The following GALNTL6 variants were observed in gnomAD, a reference collection of about 807,000 sequenced individuals.
GALNTL6 encodes polypeptide N-acetylgalactosaminyltransferase-like 6.
In GALNTL6, 46 loss-of-function variants were observed where a neutral mutation model predicts 73.7. That is an observed-to-expected ratio of 0.62 (90% CI 0.49 to 0.80). The LOEUF (loss-of-function observed/expected upper bound fraction) is 0.80. GALNTL6 is among the 30% of genes least tolerant of loss of function. GALNTL6 has a pLI of 0.00. For missense variants in GALNTL6, 604 were observed against 755.0 expected (o/e 0.80, Z 2.34); for synonymous variants, 259 against 263.7 (o/e 0.98, Z 0.17).
Position 172,070,660 on chromosome 4 carries a change from C to A in GALNTL6, c.139-158996C>A, listed in dbSNP as rs751407005. Among the ~76,000 whole-genome samples the A allele has an allele frequency of 1.0e-4, 11 of 109,148 alleles. 4 individuals are homozygous for A. Among genetic ancestry groups the A allele is most frequent in the Non-Finnish European group, 2.2e-4 (11 of 49,282 alleles). The allele number at this position is 109,148 out of a possible 152,430, so 71.6% of individuals were successfully genotyped here. Reference sequence around the variant, plus strand: ...ACTTCCCAGTTCCCAGAACTATGAGCTAAATACACTTTTGAAAAAAATAAA... The same window carrying A: ...ACTTCCCAGTTCCCAGAACTATGAGATAAATACACTTTTGAAAAAAATAAA... On this transcript the variant is annotated intron_variant, in intron 2 of 12. Coordinates refer to ENST00000506823, the MANE Select transcript of GALNTL6 (RefSeq NM_001034845.3).
intron 2 of GALNTL6, among the ~76,000 whole-genome samples, chr4:171,917,781 G>T (rs1324201057): frequency 6.6e-6 from 1 of 151,996 alleles, no homozygotes; most frequent in Non-Finnish European, 1.5e-5. Context: ...TATACACTTA[G>T]ATGTAGAAAC....
intron 5 of GALNTL6, among the ~76,000 whole-genome samples, chr4:172,391,484 G>A (rs778658047): frequency 8.5e-5 from 13 of 152,170 alleles, no homozygotes; most frequent in Admixed American, 2.0e-4. Context: ...GAAATTACAG[G>A]TGTGAGCCAC....
At chr4:172,972,558 G>A (rs552271384) in intron 10 of GALNTL6, among the ~76,000 whole-genome samples, 2 of 152,190 alleles carry the variant, frequency 1.3e-5, no homozygotes, top group African/African-American at 4.8e-5. Context: ...TCCAATCAGT[G>A]AGCACACCTA....
chr4:172,363,997 C>A (rs1187389760), intron 5 of GALNTL6, among the ~76,000 whole-genome samples: 1 of 152,046 alleles, frequency 6.6e-6, no homozygotes, highest in East Asian at 1.9e-4. Context: ...TGTTACAATC[C>A]CATCATCTGT....
chr4:172,405,437 ATATATATTTTTTTTTTTTTTTTT>A (rs1402024613), intron 5 of GALNTL6, among the ~76,000 whole-genome samples: 3 of 2,832 alleles, frequency 1.1e-3, no homozygotes, highest in African/African-American at 2.4e-3. Context: ...ATATATATAT[ATATATATTTTTTTTTTTTTTTTT>A]TTTTTTCTCC....
intron 5 of GALNTL6, among the ~76,000 whole-genome samples, chr4:172,708,336 G>T (rs1194821222): frequency 6.6e-6 from 1 of 152,164 alleles, no homozygotes; most frequent in African/African-American, 2.4e-5. Context: ...GGGATTATGG[G>T]CCTGAGCCGC....
At chr4:172,331,455 G>T (rs982581438) in intron 4 of GALNTL6, among the ~76,000 whole-genome samples, 1 of 151,912 alleles carries the variant, frequency 6.6e-6, no homozygotes, top group African/African-American at 2.4e-5. Flanking sequence ...GTTGATTATG[G>T]GTACAATATC....
intron 5 of GALNTL6, among the ~76,000 whole-genome samples, chr4:172,789,733 T>C (rs1314488949): frequency 6.6e-6 from 1 of 152,176 alleles, no homozygotes; most frequent in Non-Finnish European, 1.5e-5. Context: ...CCCCAGGATA[T>C]AGGGCAGGAA....
At chr4:171,861,274 T>A (rs1735824878) in intron 2 of GALNTL6, among the ~76,000 whole-genome samples, 1 of 152,186 alleles carries the variant, frequency 6.6e-6, no homozygotes, top group South Asian at 2.1e-4. Flanking sequence ...GTTCAATGCT[T>A]TAAAATTATA....
At chr4:172,261,236 GT>G (rs965789349) in intron 3 of GALNTL6, among the ~76,000 whole-genome samples, 2 of 150,820 alleles carry the variant, frequency 1.3e-5, no homozygotes, top group Non-Finnish European at 3.0e-5. Flanking sequence ...TCTGGTCCTG[GT>G]TTTTTTTGTT....
chr4:171,898,768 A>T (rs192878204), intron 2 of GALNTL6, among the ~76,000 whole-genome samples: 38 of 152,122 alleles, frequency 2.5e-4, no homozygotes, highest in Non-Finnish European at 4.9e-4. Context: ...GGGGTTCTAG[A>T]AATGTTTGAT....
Position 173,026,993 on chromosome 4 carries a change from T to C in GALNTL6, c.1638+5368T>C, listed in dbSNP as rs147210858. 6.4e-3 allele frequency among the ~76,000 whole-genome samples: 981 copies of C among 152,264 alleles called. 7 individuals carry two copies. Among genetic ancestry groups the C allele is most frequent in the African/African-American group, 0.022 (930 of 41,538 alleles). On this transcript the variant is annotated intron_variant, in intron 12 of 12. Coordinates refer to ENST00000506823, the MANE Select transcript of GALNTL6 (RefSeq NM_001034845.3). ...ATATATCTGTATATCTATATAGATA[T>C]ATATAATTTTTTGAGACGGACTTTC...
intron 2 of GALNTL6, among the ~76,000 whole-genome samples, chr4:171,966,616 G>A (rs1739389262): frequency 6.6e-6 from 1 of 152,148 alleles, no homozygotes; most frequent in Non-Finnish European, 1.5e-5. Flanking sequence ...AGAAGGGCCT[G>A]TAAAGCATAT....
At chr4:172,480,428 T>C (rs560522950) in intron 5 of GALNTL6, among the ~76,000 whole-genome samples, 1 of 152,362 alleles carries the variant, frequency 6.6e-6, no homozygotes, top group East Asian at 1.9e-4. Context: ...TTTAAAGCTG[T>C]TCTTATCTTA....
intron 7 of GALNTL6, among the ~76,000 whole-genome samples, chr4:172,879,543 A>G (rs1745352218): frequency 6.6e-6 from 1 of 151,942 alleles, no homozygotes; most frequent in African/African-American, 2.4e-5. Flanking sequence ...GTCAAAAAAT[A>G]AAAGAGAAAT....
At position 171,871,716 on chromosome 4, in the gene GALNTL6, T is replaced by G. The variant is rs573652616; in HGVS notation, c.138+56998T>G. ...TTAGGTCCCGAAAAAAACACTACAATGATTCTGTTTCTTTAACTCAGATCA... is the reference window on the plus strand; with the variant it reads ...TTAGGTCCCGAAAAAAACACTACAAGGATTCTGTTTCTTTAACTCAGATCA... On this transcript the variant is annotated intron_variant, in intron 2 of 12. Transcript: ENST00000506823. 2.0e-5 allele frequency among the ~76,000 whole-genome samples: 3 copies of G among 152,302 alleles called. No homozygotes were observed. In the South Asian group the frequency reaches 6.2e-4, roughly 32 times the overall value.
chr4:172,455,504 C>G (rs557900769), intron 5 of GALNTL6, among the ~76,000 whole-genome samples: 20 of 152,298 alleles, frequency 1.3e-4, no homozygotes, highest in African/African-American at 4.8e-4. Flanking sequence ...TGACCTGGGA[C>G]ACTCGAGCTT....
At chr4:171,884,822 G>A (rs1736562261) in intron 2 of GALNTL6, among the ~76,000 whole-genome samples, 1 of 152,014 alleles carries the variant, frequency 6.6e-6, no homozygotes, top group South Asian at 2.1e-4. Flanking sequence ...TTGGGAGGCT[G>A]AGGCAGGCTG....
rs937679837 is a variant in GALNTL6 at position 172,649,845 on chromosome 4, T to C, written c.554-159516T>C. ...ATACTTGTACATATTATGTATGTTA[T>C]TTTTCTTATAAATTGAGGAAGTTTT... On this transcript the variant is annotated intron_variant, in intron 5 of 12. Coordinates refer to ENST00000506823, the MANE Select transcript of GALNTL6 (RefSeq NM_001034845.3). Among the ~76,000 whole-genome samples, 3 of 152,206 alleles carry C rather than the reference T, an allele frequency of 2.0e-5. No individual in the cohort carries two copies. In the South Asian group the frequency reaches 6.2e-4, roughly 31 times the overall value.
Sources: allele counts gnomAD v4.1 joint callset (sites outside exome capture counted in the v4.1 genomes callset), GRCh38; gene constraint gnomAD v4.1.1; transcripts MANE v1.5; gene names NCBI Gene and HGNC (gene_info 2026-07-23, HGNC 2026-07-21).